Variants in CLNK observed in about 807,000 individuals in gnomAD.
CLNK encodes the protein cytokine-dependent hematopoietic cell linker.
In CLNK, 74 loss-of-function variants were observed where a neutral mutation model predicts 68.6. That is an observed-to-expected ratio of 1.08 (90% CI 0.89 to 1.31). The LOEUF (loss-of-function observed/expected upper bound fraction) is 1.31. CLNK is among the 50% of genes most tolerant of loss of function. The probability of loss-of-function intolerance (pLI) is 0.00; values close to 1 mark genes in which losing one functional copy is unlikely to be tolerated. For missense variants in CLNK, 553 were observed against 515.3 expected (o/e 1.07, Z -0.71); for synonymous variants, 198 against 172.2 (o/e 1.15, Z -1.17).
intron 2 of CLNK, among the ~76,000 whole-genome samples, chr4:10,653,084 A>T (rs1378995137): frequency 1.3e-5 from 2 of 152,196 alleles, no homozygotes; most frequent in East Asian, 3.8e-4. Context: ...GCAAACTAAC[A>T]CAAGAACAGA....
intron 2 of CLNK, among the ~76,000 whole-genome samples, chr4:10,655,327 CCAAA>C (rs1723928647): frequency 1.1e-5 from 1 of 89,708 alleles, no homozygotes; most frequent in African/African-American, 4.4e-5. Flanking sequence ...CCTAAAACCC[CCAAA>C]GACAGAGAGA....
intron 11 of CLNK, among the ~76,000 whole-genome samples, chr4:10,535,960 G>T (rs535314824): frequency 7.6e-4 from 115 of 152,270 alleles, no homozygotes; most frequent in African/African-American, 2.7e-3. Flanking sequence ...TTCTCTTCTG[G>T]TTTTGAGTTG....
At chr4:10,589,762 T>C (rs1324592068) in intron 3 of CLNK, among the ~76,000 whole-genome samples, 2 of 152,222 alleles carry the variant, frequency 1.3e-5, no homozygotes, top group African/African-American at 2.4e-5. Flanking sequence ...GACTCCTGTG[T>C]TAACACTCTG....
At chr4:10,671,649 C>T (rs1397055466) in intron 1 of CLNK, among the ~76,000 whole-genome samples, 1 of 152,084 alleles carries the variant, frequency 6.6e-6, no homozygotes, top group Non-Finnish European at 1.5e-5. Context: ...GAATACAAGG[C>T]CCTTCCCTTC....
Position 10,490,328 on chromosome 4 carries a change from ACT to A in CLNK, c.*137_*138del. ...CTTTCAAAACCGTGAGTGATTTTCC[ACT>A]CTCTGTTATAGAGTGTTTTTCTTTT... is the stretch of plus-strand genomic sequence containing the variant. On this transcript the variant is annotated 3_prime_UTR_variant, in exon 19 of 19. Coordinates refer to ENST00000226951, the MANE Select transcript of CLNK (RefSeq NM_052964.4). 1 of 704,222 alleles carries A rather than the reference ACT, an allele frequency of 1.4e-6. No individual in the cohort carries two copies. Among genetic ancestry groups the A allele is most frequent in the Non-Finnish European group, 2.1e-6 (1 of 479,134 alleles). The allele number at this position is 704,222 out of a possible 1,614,324, so 43.6% of individuals were successfully genotyped here.
In CLNK at chr4:10,571,816, T is replaced by G. The variant is rs1265754345; in HGVS notation, c.113-38A>C. ...ACAGACCGAGTGTTATTTTAATCACTGTGGTAGCTCCAAACATCAAAAAGA... is the reference window on the plus strand; with the variant it reads ...ACAGACCGAGTGTTATTTTAATCACGGTGGTAGCTCCAAACATCAAAAAGA... On this transcript the variant is annotated intron_variant, in intron 4 of 18. Coordinates refer to ENST00000226951, the MANE Select transcript of CLNK (RefSeq NM_052964.4). 1.9e-6 allele frequency: 3 copies of G among 1,557,114 alleles called. No individual in the cohort carries two copies. In the Admixed American group the frequency reaches 5.0e-5, roughly 26 times the overall value.
intron 2 of CLNK, among the ~76,000 whole-genome samples, chr4:10,638,368 T>C (rs1034784651): frequency 4.6e-5 from 7 of 152,216 alleles, no homozygotes; most frequent in African/African-American, 1.7e-4. Context: ...GAAAACAGCA[T>C]GCACATGAAC....
chr4:10,529,973 T>C (rs2109057635), intron 12 of CLNK, among the ~76,000 whole-genome samples: 1 of 151,904 alleles, frequency 6.6e-6, no homozygotes, highest in South Asian at 2.1e-4. Context: ...ATTACCTCTC[T>C]CCCTCTTTCT....
rs1449544610 is a variant in CLNK at position 10,537,350 on chromosome 4, C to G, written c.602+3144G>C. Among the ~76,000 whole-genome samples, 3 of 152,220 alleles carry G rather than the reference C, an allele frequency of 2.0e-5. No homozygotes were observed. The South Asian group carries it at 6.2e-4, about 32-fold the overall frequency. Reference sequence around the variant, plus strand: ...AAAATTAGCTGAGTGTGGTGCCACACAGCTGTAATCCCAGCTACTCAGGAG... The same window carrying G: ...AAAATTAGCTGAGTGTGGTGCCACAGAGCTGTAATCCCAGCTACTCAGGAG... On this transcript the variant is annotated intron_variant, in intron 11 of 18. Coordinates refer to ENST00000226951, the MANE Select transcript of CLNK (RefSeq NM_052964.4).
intron 15 of CLNK, among the ~76,000 whole-genome samples, chr4:10,517,000 C>T (rs1292696405): frequency 6.6e-6 from 1 of 151,892 alleles, no homozygotes; most frequent in Non-Finnish European, 1.5e-5. Context: ...TTTATATCTT[C>T]AAAAATAGGA....
intron 2 of CLNK, among the ~76,000 whole-genome samples, chr4:10,624,876 G>A (rs1009203498): frequency 6.6e-6 from 1 of 152,110 alleles, no homozygotes; most frequent in South Asian, 2.1e-4. Context: ...CTTACAGAAG[G>A]AGATGTCCGC....
rs376278618 is a variant in CLNK, at chr4:10,564,718, T to C, written c.352A>G (p.Ile118Val). ...TPLPLDTRTSISIGQPTWNTQ... is the reference protein window; with the variant it reads ...TPLPLDTRTSVSIGQPTWNTQ... ...TTCCAGGTCGGCTGTCCAATGGAGA[T>C]AGAGGTCCTGGTGTCTAACGGAAGG... The change falls in exon 7 of 19, where the codon ATC (isoleucine) becomes GTC (valine). Residue 118 changes from isoleucine (I) to valine (V), a missense_variant. By Grantham distance (29) the Ile-to-Val change is conservative. Transcript: ENST00000226951. The C allele has an allele frequency of 1.2e-6, 2 of 1,613,718 alleles. No homozygotes were observed. Among genetic ancestry groups the C allele is most frequent in the African/African-American group, 1.3e-5 (1 of 74,920 alleles).
At chr4:10,653,664 C>T (rs768715532) in intron 2 of CLNK, among the ~76,000 whole-genome samples, 18 of 152,036 alleles carry the variant, frequency 1.2e-4, no homozygotes, top group African/African-American at 4.3e-4. Context: ...ACTCATATTG[C>T]CAAGAACACA....
Position 10,633,624 on chromosome 4 carries a change from A to G in CLNK, c.11+34235T>C, listed in dbSNP as rs560189656. On this transcript the variant is annotated intron_variant, in intron 2 of 18. Coordinates refer to ENST00000226951, the MANE Select transcript of CLNK (RefSeq NM_052964.4). ...CAATGCTCGTAGGTGTCTATCTGCA[A>G]GGTCTCCAAAGAGCAAGAATTCTGT... 2.6e-5 allele frequency among the ~76,000 whole-genome samples: 4 copies of G among 152,342 alleles called. No homozygotes were observed. The South Asian group carries it at 8.3e-4, about 32-fold the overall frequency.
rs188524946 is a variant in CLNK at position 10,560,539 on chromosome 4, G to A, written c.400-2087C>T. On this transcript the variant is annotated intron_variant, in intron 7 of 18. Transcript: ENST00000226951. ...GCTCACCGCAACCTTGACCTCCCGG[G>A]CTCAAGCGATCCTCCCACTTCAGCC... Among the ~76,000 whole-genome samples the A allele has an allele frequency of 1.5e-3, 225 of 152,274 alleles. 1 individual carries two copies. Among genetic ancestry groups the A allele is most frequent in the Admixed American group, 1.7e-3 (26 of 15,292 alleles).
At chr4:10,673,214 G>A (rs921629368) in intron 1 of CLNK, among the ~76,000 whole-genome samples, 11 of 152,084 alleles carry the variant, frequency 7.2e-5, no homozygotes, top group African/African-American at 1.7e-4. Context: ...TGCCAGTCAC[G>A]TTCCAGATCC....
At chr4:10,509,928 G>T (rs1272304258) in intron 16 of CLNK, among the ~76,000 whole-genome samples, 1 of 152,138 alleles carries the variant, frequency 6.6e-6, no homozygotes, top group African/African-American at 2.4e-5. Context: ...GCAAAGCCAC[G>T]TGACAGGCTC....
intron 2 of CLNK, among the ~76,000 whole-genome samples, chr4:10,655,083 A>C (rs1162561265): frequency 6.7e-6 from 1 of 148,672 alleles, no homozygotes; most frequent in Non-Finnish European, 1.5e-5. Context: ...TCTGGGTGAC[A>C]GAACGAGACA....
At chr4:10,672,580 G>T (rs543418473) in intron 1 of CLNK, among the ~76,000 whole-genome samples, 1 of 152,100 alleles carries the variant, frequency 6.6e-6, no homozygotes, top group Non-Finnish European at 1.5e-5. Flanking sequence ...AGATGCTTAG[G>T]TAAGCATTTT....
Sources: gnomAD v4.1 joint callset for allele counts (sites outside exome capture counted in the v4.1 genomes callset) on GRCh38, gnomAD v4.1.1 for gene constraint, MANE v1.5 for transcripts, NCBI Gene and HGNC (gene_info 2026-07-23, HGNC 2026-07-21) for gene names.